Variants in ANKRD6 observed in about 807,000 individuals in gnomAD.
ANKRD6 encodes the protein ankyrin repeat domain-containing protein 6.
ANKRD6 carries 56 observed loss-of-function variants against 82.3 expected under a neutral mutation model. The observed-to-expected ratio is 0.68, with a 90% CI of 0.55 to 0.85. The LOEUF (loss-of-function observed/expected upper bound fraction) is 0.85. ANKRD6 is among the 40% of genes least tolerant of loss of function. The pLI is 0.00. For missense variants in ANKRD6, 852 were observed against 907.6 expected, an observed-to-expected ratio of 0.94 and a Z score of 0.79; for synonymous variants, 347 against 352.1, an observed-to-expected ratio of 0.99 and a Z score of 0.16.
chr6:89,434,006 G>T (rs1770303377), intron 1 of ANKRD6, among the ~76,000 whole-genome samples: 1 of 151,522 alleles, frequency 6.6e-6, no homozygotes, highest in South Asian at 2.1e-4. Context: ...GGGGACTGGA[G>T]GGGAAGTGCA....
intron 1 of ANKRD6, among the ~76,000 whole-genome samples, chr6:89,561,750 A>G (rs1484514527): frequency 1.3e-5 from 2 of 152,100 alleles, no homozygotes; most frequent in African/African-American, 2.4e-5. Flanking sequence ...TTGGATAACT[A>G]GTATGATGGT....
chr6:89,595,137 G>A (rs149075600), intron 2 of ANKRD6, among the ~76,000 whole-genome samples: 249 of 152,276 alleles, frequency 1.6e-3, no homozygotes, highest in Non-Finnish European at 3.1e-3. Flanking sequence ...GCCAAGGCGG[G>A]TGGATCATTT....
At chr6:89,589,919 C>G (rs1376371026) in intron 2 of ANKRD6, among the ~76,000 whole-genome samples, 2 of 152,180 alleles carry the variant, frequency 1.3e-5, no homozygotes, top group Non-Finnish European at 1.5e-5. Context: ...AGGGTGAATA[C>G]TGCCTCTTCT....
chr6:89,453,077 T>C (rs1303958115), intron 1 of ANKRD6, among the ~76,000 whole-genome samples: 1 of 152,196 alleles, frequency 6.6e-6, no homozygotes, highest in African/African-American at 2.4e-5. Context: ...AAATAGAACT[T>C]TGCCAGTCAC....
At chr6:89,487,959 A>G (rs909469809) in intron 1 of ANKRD6, among the ~76,000 whole-genome samples, 3 of 152,230 alleles carry the variant, frequency 2.0e-5, no homozygotes, top group South Asian at 2.1e-4. Flanking sequence ...ATTTACTTTT[A>G]CTTTTCCACA....
In ANKRD6 at chr6:89,510,698, A is replaced by G. The variant is rs191948722; in HGVS notation, c.-143-56136A>G. Among the ~76,000 whole-genome samples the G allele has an allele frequency of 1.8e-3, 274 of 151,668 alleles. 1 individual carries two copies. The highest frequency in any genetic ancestry group is 6.2e-3 in the African/African-American group (258 of 41,340). Reference sequence around the variant, plus strand: ...TAGCAGTGACTCCTATTTCCCCCCAATCTCCCCGGCCCTAGTCTACAAGTG... The same window carrying G: ...TAGCAGTGACTCCTATTTCCCCCCAGTCTCCCCGGCCCTAGTCTACAAGTG... On this transcript the variant is annotated intron_variant, in intron 1 of 15. Coordinates refer to ENST00000339746, the MANE Select transcript of ANKRD6 (RefSeq NM_001242809.2).
intron 1 of ANKRD6, among the ~76,000 whole-genome samples, chr6:89,527,149 C>T (rs1276478979): frequency 6.6e-6 from 1 of 152,168 alleles, no homozygotes; most frequent in East Asian, 1.9e-4. Context: ...GGTTCAGTTT[C>T]AGACCACGGC....
chr6:89,600,458 G>A (rs899750277), intron 3 of ANKRD6, among the ~76,000 whole-genome samples: 1 of 152,170 alleles, frequency 6.6e-6, no homozygotes, highest in Non-Finnish European at 1.5e-5. Flanking sequence ...ACAATACAGA[G>A]TGATAAGCTT....
chr6:89,441,167 T>C lies in ANKRD6; in HGVS notation c.-144+7792T>C, dbSNP rs541011522. ...GTTACCGAATGTATCTTCTTTTTTTTTGAGACAGAGTCTCGCTCTGTCTCC... is the reference window on the plus strand; with the variant it reads ...GTTACCGAATGTATCTTCTTTTTTTCTGAGACAGAGTCTCGCTCTGTCTCC... On this transcript the variant is annotated intron_variant, in intron 1 of 15. Coordinates refer to ENST00000339746, the MANE Select transcript of ANKRD6 (RefSeq NM_001242809.2). 7.9e-5 allele frequency among the ~76,000 whole-genome samples: 12 copies of C among 152,332 alleles called. No individual in the cohort carries two copies. In the South Asian group the frequency reaches 1.9e-3, roughly 24 times the overall value.
chr6:89,467,881 C>G (rs1775025878), intron 1 of ANKRD6, among the ~76,000 whole-genome samples: 1 of 152,156 alleles, frequency 6.6e-6, no homozygotes, highest in African/African-American at 2.4e-5. Context: ...TTTCGTGAAA[C>G]CTGGAGCTGA....
intron 1 of ANKRD6, among the ~76,000 whole-genome samples, chr6:89,563,321 T>C (rs1787771788): frequency 6.6e-6 from 1 of 152,202 alleles, no homozygotes; most frequent in Non-Finnish European, 1.5e-5. Flanking sequence ...AGGGAAATCT[T>C]AGCAAGCTAA....
At chr6:89,624,817 C>A in intron 13 of ANKRD6, 126 bp downstream of exon 13, 1 of 981,186 alleles carries the variant, frequency 1.0e-6, no homozygotes, top group Non-Finnish European at 1.4e-6. Context: ...GGGAAGAGGC[C>A]TGCTTCTGCT....
At chr6:89,491,022 A>G (rs890774812) in intron 1 of ANKRD6, among the ~76,000 whole-genome samples, 2 of 152,204 alleles carry the variant, frequency 1.3e-5, no homozygotes, top group East Asian at 3.9e-4. Flanking sequence ...GGACAAGGCC[A>G]TGTGACGAGT....
rs188045012 is a variant in ANKRD6 at position 89,437,977 on chromosome 6, A to G, written c.-144+4602A>G. Among the ~76,000 whole-genome samples, 14 of 152,242 alleles carry G rather than the reference A, an allele frequency of 9.2e-5. No homozygotes were observed. In the East Asian group the frequency reaches 2.7e-3, roughly 29 times the overall value. ...GCCCTACTATTTTTGTATTTTTGGT[A>G]GAGACAGGGTTTCACCTTGTTGCCC... On this transcript the variant is annotated intron_variant, in intron 1 of 15. Transcript: ENST00000339746.
At chr6:89,537,825 G>A (rs1245310989) in intron 1 of ANKRD6, among the ~76,000 whole-genome samples, 26 of 147,446 alleles carry the variant, frequency 1.8e-4, no homozygotes, top group Non-Finnish European at 3.3e-4. Flanking sequence ...GAGCCCAGAA[G>A]GTAGAGGTTA....
intron 2 of ANKRD6, among the ~76,000 whole-genome samples, chr6:89,571,176 T>G (rs766252770): frequency 6.6e-6 from 1 of 152,118 alleles, no homozygotes; most frequent in Non-Finnish European, 1.5e-5. Flanking sequence ...CTCAGCCTCC[T>G]GAGTAGCTGG....
At chr6:89,604,606 C>G (rs907448965) in intron 4 of ANKRD6, among the ~76,000 whole-genome samples, 2 of 152,106 alleles carry the variant, frequency 1.3e-5, no homozygotes, top group African/African-American at 4.8e-5. Flanking sequence ...ACTAGCAGAA[C>G]ACACCTGTGT....
At chr6:89,539,663 G>A (rs970636637) in intron 1 of ANKRD6, among the ~76,000 whole-genome samples, 6 of 151,630 alleles carry the variant, frequency 4.0e-5, no homozygotes, top group African/African-American at 1.5e-4. Flanking sequence ...TTTATCCATC[G>A]AGTTGCATTC....
At chr6:89,550,552 C>CT (rs1211501990) in intron 1 of ANKRD6, among the ~76,000 whole-genome samples, 1 of 152,160 alleles carries the variant, frequency 6.6e-6, no homozygotes, top group Non-Finnish European at 1.5e-5. Context: ...TGAGGGGCTG[C>CT]TGGATACTGG....
Sources: allele counts gnomAD v4.1 joint callset (sites outside exome capture counted in the v4.1 genomes callset), GRCh38; gene constraint gnomAD v4.1.1; transcripts MANE v1.5; gene names NCBI Gene and HGNC (gene_info 2026-07-23, HGNC 2026-07-21).